Variants in EEFSEC observed in about 807,000 individuals in gnomAD.
The protein encoded by EEFSEC is selenocysteine-specific elongation factor.
In EEFSEC, 43 loss-of-function variants were observed where a neutral mutation model predicts 42.1. The observed-to-expected ratio is 1.02, with a 90% CI of 0.80 to 1.32. The LOEUF is 1.32. EEFSEC is among the 40% of genes most tolerant of loss of function. EEFSEC has a pLI of 0.00. For missense variants in EEFSEC, 745 were observed against 803.6 expected, an observed-to-expected ratio of 0.93 and a Z score of 0.88; for synonymous variants, 354 against 339.1, an observed-to-expected ratio of 1.04 and a Z score of -0.48.
chr3:128,392,331 T>C (rs4241495), intron 6 of EEFSEC, among the ~76,000 whole-genome samples: 62,537 of 152,178 alleles, frequency 0.41, 15,908 homozygotes, highest in African/African-American at 0.72. Flanking sequence ...AAGTCATTCA[T>C]GCCATGTCAG....
intron 5 of EEFSEC, among the ~76,000 whole-genome samples, chr3:128,342,133 A>C (rs1481051658): frequency 1.3e-5 from 2 of 151,812 alleles, no homozygotes; most frequent in African/African-American, 4.8e-5. Context: ...ACCCAATCCC[A>C]CCCAGCTATC....
rs535102840 is a variant in EEFSEC, at chr3:128,379,241, G to A, written c.1600+20868G>A. Among the ~76,000 whole-genome samples, 5 of 152,342 alleles carry A rather than the reference G, an allele frequency of 3.3e-5. No individual in the cohort carries two copies. The East Asian group carries it at 5.8e-4, about 18-fold the overall frequency. On this transcript the variant is annotated intron_variant, in intron 6 of 6. Transcript: ENST00000254730. ...TGACGGAGGAGCACCTTTACCAAGC[G>A]CAGAGAGCACTTCGGGGTGTACTTT...
intron 1 of EEFSEC, among the ~76,000 whole-genome samples, chr3:128,246,236 A>G (rs1180355834): frequency 6.6e-6 from 1 of 150,616 alleles, no homozygotes; most frequent in Non-Finnish European, 1.5e-5. Flanking sequence ...GCACGCACAC[A>G]CACACACACA....
At chr3:128,394,650 C>G (rs1009009591) in intron 6 of EEFSEC, among the ~76,000 whole-genome samples, 1 of 152,132 alleles carries the variant, frequency 6.6e-6, no homozygotes, top group African/African-American at 2.4e-5. Context: ...TATTAAAATT[C>G]GGCTCCCTTG....
intron 1 of EEFSEC, among the ~76,000 whole-genome samples, chr3:128,225,467 T>G (rs1480898343): frequency 1.3e-5 from 2 of 152,240 alleles, no homozygotes; most frequent in Non-Finnish European, 1.5e-5. Context: ...GCTGTGTGTT[T>G]TGAGCCTGTG....
intron 2 of EEFSEC, among the ~76,000 whole-genome samples, chr3:128,250,206 T>C (rs1425478268): frequency 6.6e-6 from 1 of 152,234 alleles, no homozygotes; most frequent in African/African-American, 2.4e-5. Context: ...TTGTAGATTG[T>C]CTTTTCACTT....
intron 6 of EEFSEC, among the ~76,000 whole-genome samples, chr3:128,388,682 G>GA (rs2107621439): frequency 6.6e-6 from 1 of 152,348 alleles, no homozygotes; most frequent in Non-Finnish European, 1.5e-5. Flanking sequence ...TTGCCTCTTC[G>GA]AGGCCTTCTC....
intron 1 of EEFSEC, among the ~76,000 whole-genome samples, chr3:128,171,444 A>C (rs2065295778): frequency 6.6e-6 from 1 of 152,240 alleles, no homozygotes; most frequent in African/African-American, 2.4e-5. Flanking sequence ...CTGCTTTCTA[A>C]TTAAAAACCA....
intron 4 of EEFSEC, among the ~76,000 whole-genome samples, chr3:128,295,669 G>A (rs986379238): frequency 4.0e-5 from 6 of 150,510 alleles, no homozygotes; most frequent in Non-Finnish European, 8.9e-5. Context: ...CCAAGTTTGG[G>A]AGAAGTCACG....
intron 1 of EEFSEC, among the ~76,000 whole-genome samples, chr3:128,179,265 A>C (rs971741346): frequency 6.6e-6 from 1 of 152,204 alleles, no homozygotes; most frequent in Non-Finnish European, 1.5e-5. Context: ...CTGGCTGCAT[A>C]GGGGAGGAAG....
chr3:128,370,210 A>G (rs2067637169), intron 6 of EEFSEC, among the ~76,000 whole-genome samples: 1 of 152,212 alleles, frequency 6.6e-6, no homozygotes, highest in Admixed American at 6.5e-5. Flanking sequence ...GGAATTCTAC[A>G]GAGGTGATTT....
At chr3:128,331,196 C>CTCT (rs1399147287) in intron 4 of EEFSEC, among the ~76,000 whole-genome samples, 2 of 70,102 alleles carry the variant, frequency 2.9e-5, no homozygotes, top group Admixed American at 1.3e-4. Context: ...CCCCTCTTCC[C>CTCT]CCTTCCTCAG....
At chr3:128,407,705 A>G (rs548409144) in intron 6 of EEFSEC, among the ~76,000 whole-genome samples, 19 of 152,216 alleles carry the variant, frequency 1.2e-4, no homozygotes, top group African/African-American at 4.6e-4. Context: ...AGAAGTGGAG[A>G]ATGGGTCTCC....
chr3:128,393,035 T>C (rs1356768832), intron 6 of EEFSEC, among the ~76,000 whole-genome samples: 3 of 152,246 alleles, frequency 2.0e-5, no homozygotes, highest in African/African-American at 4.8e-5. Context: ...CATGTGTCCA[T>C]GGGAAGGAGC....
At chr3:128,412,243 A>G (rs952508002), downstream of EEFSEC, among the ~76,000 whole-genome samples, 2 of 152,174 alleles carry the variant, frequency 1.3e-5, no homozygotes, top group African/African-American at 4.8e-5. Flanking sequence ...TTATCACTCT[A>G]TTCTACAGGA....
intron 3 of EEFSEC, among the ~76,000 whole-genome samples, chr3:128,264,033 A>C (rs889540080): frequency 6.6e-6 from 1 of 152,194 alleles, no homozygotes; most frequent in Non-Finnish European, 1.5e-5. Context: ...AGTGTTAGCT[A>C]TAGTGATGGG....
intron 4 of EEFSEC, among the ~76,000 whole-genome samples, chr3:128,298,037 A>G (rs1473426384): frequency 6.6e-6 from 1 of 152,224 alleles, no homozygotes; most frequent in Non-Finnish European, 1.5e-5. Context: ...CCCAGTTTAC[A>G]GCAATATTTT....
chr3:128,319,405 AG>A (rs1169441977), intron 4 of EEFSEC, among the ~76,000 whole-genome samples: 1 of 152,222 alleles, frequency 6.6e-6, no homozygotes, highest in Non-Finnish European at 1.5e-5. Flanking sequence ...TCAGTGAGCG[AG>A]GGTGGCTCCA....
chr3:128,325,726 C>G (rs1043424364), intron 4 of EEFSEC, among the ~76,000 whole-genome samples: 14 of 152,172 alleles, frequency 9.2e-5, no homozygotes. Context: ...TCCCCCTTAA[C>G]TATAGTTAAG....
Sources: gnomAD v4.1 joint callset for allele counts (sites outside exome capture counted in the v4.1 genomes callset) on GRCh38, gnomAD v4.1.1 for gene constraint, MANE v1.5 for transcripts, NCBI Gene and HGNC (gene_info 2026-07-23, HGNC 2026-07-21) for gene names.